ADAMTS6: variants seen among roughly 807,000 people sequenced by gnomAD.
ADAMTS6 encodes the protein A disintegrin and metalloproteinase with thrombospondin motifs 6.
In ADAMTS6, 23 loss-of-function variants were observed where a neutral mutation model predicts 144.3. The observed-to-expected ratio is 0.16, with a 90% CI of 0.11 to 0.23. ADAMTS6 has a LOEUF of 0.23. Ranked by LOEUF, ADAMTS6 falls within the 10% of genes least tolerant of loss-of-function variation. The pLI is 1.00. For missense variants in ADAMTS6, 999 were observed against 1,379.6 expected (o/e 0.72, Z 4.37); for synonymous variants, 444 against 457.5 (o/e 0.97, Z 0.38).
intron 3 of ADAMTS6, among the ~76,000 whole-genome samples, chr5:65,462,188 A>G (rs554649651): frequency 6.6e-6 from 1 of 152,326 alleles, no homozygotes; most frequent in African/African-American, 2.4e-5. Context: ...TAGATCAACA[A>G]TGTGCTAAAA....
At position 65,432,297 on chromosome 5, in the gene ADAMTS6, C is replaced by CTCTACCTCACTCATCAAAGT. The variant is rs1234158191; in HGVS notation, c.1073+19158_1073+19177dup. On this transcript the variant is annotated intron_variant, in intron 7 of 24. Coordinates refer to ENST00000381055, the MANE Select transcript of ADAMTS6 (RefSeq NM_197941.4). The stretch of plus-strand genomic sequence containing the variant: ...ACTCTCTTTATTCCCCAAATCTCCT[C>CTCTACCTCACTCATCAAAGT]TCTACCTCACTCATCAAAGTTCTAC... 7.2e-5 allele frequency among the ~76,000 whole-genome samples: 11 copies of CTCTACCTCACTCATCAAAGT among 152,138 alleles called. No homozygotes were observed. The East Asian group carries it at 1.3e-3, about 19-fold the overall frequency.
At chr5:65,267,522 C>T (rs1278746214) in intron 12 of ADAMTS6, among the ~76,000 whole-genome samples, 1 of 152,038 alleles carries the variant, frequency 6.6e-6, no homozygotes, top group Non-Finnish European at 1.5e-5. Context: ...TCCAGTCAGG[C>T]TTTAAGAGCC....
chr5:65,390,954 G>GT (rs34797529), intron 7 of ADAMTS6, among the ~76,000 whole-genome samples: 3,960 of 141,122 alleles, frequency 0.028, 146 homozygotes, highest in African/African-American at 0.089. Context: ...TTTTTTGAGG[G>GT]TTTTTTTTTT....
chr5:65,161,032 CTCT>C (rs1420150415), intron 24 of ADAMTS6, among the ~76,000 whole-genome samples: 2 of 151,590 alleles, frequency 1.3e-5, no homozygotes, highest in African/African-American at 4.8e-5. Flanking sequence ...TCTTCTCTCT[CTCT>C]TTTTATTTAT....
At chr5:65,262,787 T>C (rs371894732) in intron 13 of ADAMTS6, 30 bp downstream of exon 13, 26 of 1,479,100 alleles carry the variant, frequency 1.8e-5, no homozygotes, top group Non-Finnish European at 2.2e-5. Context: ...TGTGTCTTTT[T>C]GTTGGCTCCG....
chr5:65,210,598 T>G, intron 20 of ADAMTS6: 1 of 606,550 alleles, frequency 1.6e-6, no homozygotes, highest in South Asian at 1.8e-5. Flanking sequence ...CAATAAAGTT[T>G]TTGGCACCCC....
intron 14 of ADAMTS6, among the ~76,000 whole-genome samples, chr5:65,244,648 C>T (rs1759478020): frequency 6.6e-6 from 1 of 152,124 alleles, no homozygotes; most frequent in Non-Finnish European, 1.5e-5. Context: ...TATCTATATA[C>T]TCCTTCTCAA....
chr5:65,394,119 T>G (rs1753146729), intron 7 of ADAMTS6, among the ~76,000 whole-genome samples: 1 of 152,208 alleles, frequency 6.6e-6, no homozygotes, highest in African/African-American at 2.4e-5. Context: ...GATCTATGTT[T>G]CTTTCCCTTG....
intron 7 of ADAMTS6, among the ~76,000 whole-genome samples, chr5:65,395,982 T>C (rs551489700): frequency 6.6e-6 from 1 of 152,320 alleles, no homozygotes; most frequent in Admixed American, 6.5e-5. Flanking sequence ...AGCCACATAC[T>C]TGTCACATTA....
intron 15 of ADAMTS6, among the ~76,000 whole-genome samples, chr5:65,229,979 C>T (rs1191393759): frequency 3.3e-5 from 5 of 151,832 alleles, no homozygotes; most frequent in African/African-American, 1.2e-4. Context: ...TGTCAAAAAT[C>T]AAGGACAAAG....
At chr5:65,370,450 T>A (rs1041925464) in intron 7 of ADAMTS6, among the ~76,000 whole-genome samples, 1 of 152,056 alleles carries the variant, frequency 6.6e-6, no homozygotes, top group Admixed American at 6.5e-5. Context: ...GGGAGAGGCA[T>A]TGCCTCACCT....
intron 14 of ADAMTS6, among the ~76,000 whole-genome samples, chr5:65,255,661 T>C (rs1340011187): frequency 6.6e-6 from 1 of 152,094 alleles, no homozygotes; most frequent in South Asian, 2.1e-4. Flanking sequence ...GCTCTACTTA[T>C]CTTTTTATGT....
Position 65,226,655 on chromosome 5 carries a change from A to G in ADAMTS6, c.1934-436T>C, listed in dbSNP as rs140631593. ...GCCTGGAGTGCAATGGTGCCATGTC[A>G]GCTCACTGCAACCTCTGCCTCCTGA... On this transcript the variant is annotated intron_variant, in intron 15 of 24. Transcript: ENST00000381055. Among the ~76,000 whole-genome samples, 1,438 of 152,122 alleles carry G rather than the reference A, an allele frequency of 9.5e-3. 20 individuals are homozygous for G. Among genetic ancestry groups the G allele is most frequent in the African/African-American group, 0.033 (1,356 of 41,532 alleles).
intron 12 of ADAMTS6, among the ~76,000 whole-genome samples, chr5:65,265,813 G>T (rs1761575974): frequency 6.6e-6 from 1 of 151,664 alleles, no homozygotes; most frequent in Non-Finnish European, 1.5e-5. Flanking sequence ...GAACCTAAAG[G>T]AATTGACTTG....
At chr5:65,371,322 C>T (rs1230421593) in intron 7 of ADAMTS6, among the ~76,000 whole-genome samples, 1 of 152,090 alleles carries the variant, frequency 6.6e-6, no homozygotes, top group Non-Finnish European at 1.5e-5. Context: ...CAAATTACTC[C>T]GAACTACGGG....
intron 4 of ADAMTS6, among the ~76,000 whole-genome samples, chr5:65,453,676 G>A (rs991601293): frequency 3.9e-5 from 6 of 152,152 alleles, no homozygotes; most frequent in African/African-American, 1.4e-4. Flanking sequence ...TATGGCATTT[G>A]TAAACACCTG....
intron 22 of ADAMTS6, among the ~76,000 whole-genome samples, chr5:65,184,274 G>A (rs953108456): frequency 6.6e-6 from 1 of 152,186 alleles, no homozygotes; most frequent in Non-Finnish European, 1.5e-5. Context: ...GCCCTCACTT[G>A]TAAAGGACAG....
chr5:65,329,368 A>G lies in ADAMTS6; in HGVS notation c.1223+10T>C. The G allele has an allele frequency of 6.2e-7, 1 of 1,609,398 alleles. No homozygotes were observed. On this transcript the variant is annotated intron_variant, in intron 9 of 24. Coordinates refer to ENST00000381055, the MANE Select transcript of ADAMTS6 (RefSeq NM_197941.4). ...CTAAAATTTATTTTGATTTTCTTAA[A>G]CTCACTCACTTGTGACCAATCTCAT...
intron 9 of ADAMTS6, among the ~76,000 whole-genome samples, chr5:65,308,752 A>T (rs1171462179): frequency 6.6e-6 from 1 of 152,168 alleles, no homozygotes; most frequent in Non-Finnish European, 1.5e-5. Context: ...CAAACCCATC[A>T]TCAAGGCTGA....
Sources: allele counts gnomAD v4.1 joint callset (sites outside exome capture counted in the v4.1 genomes callset), GRCh38; gene constraint gnomAD v4.1.1; transcripts MANE v1.5; gene names NCBI Gene and HGNC (gene_info 2026-07-23, HGNC 2026-07-21).